The following ATP12A variants were observed in gnomAD, a reference collection of about 807,000 sequenced individuals.
ATP12A encodes the protein potassium-transporting ATPase alpha chain 2.
ATP12A carries 81 observed loss-of-function variants against 111.2 expected under a neutral mutation model. That is an observed-to-expected ratio of 0.73 (90% CI 0.61 to 0.88). The LOEUF (loss-of-function observed/expected upper bound fraction) is 0.88. ATP12A is among the 40% of genes least tolerant of loss of function. The pLI, the probability that ATP12A is intolerant of heterozygous loss-of-function variation, is 0.00. For missense variants in ATP12A, 1,196 were observed against 1,313.1 expected, an observed-to-expected ratio of 0.91 and a Z score of 1.38; for synonymous variants, 498 against 499.8, an observed-to-expected ratio of 1.00 and a Z score of 0.05.
intron 22 of ATP12A, 32 bp from the exon 23 acceptor site, chr13:24,711,462 C>T: frequency 1.2e-6 from 2 of 1,614,160 alleles, no homozygotes; most frequent in Non-Finnish European, 1.7e-6. Flanking sequence ...ACAGACTCTC[C>T]ATTTCTGATG....
intron 17 of ATP12A, among the ~76,000 whole-genome samples, chr13:24,708,629 A>G (rs1875770589): frequency 1.3e-5 from 2 of 151,968 alleles, no homozygotes; most frequent in Admixed American, 6.6e-5. Flanking sequence ...TAGCCTAGCT[A>G]CTCAGGAGGC....
At chr13:24,705,169 A>G (rs142556978) in intron 14 of ATP12A, among the ~76,000 whole-genome samples, 2 of 152,342 alleles carry the variant, frequency 1.3e-5, no homozygotes, top group African/African-American at 4.8e-5. Flanking sequence ...ACATTGTTTA[A>G]GCTGAGATTT....
intron 3 of ATP12A, among the ~76,000 whole-genome samples, chr13:24,687,946 A>C (rs1874728520): frequency 6.6e-6 from 1 of 152,168 alleles, no homozygotes; most frequent in African/African-American, 2.4e-5. Context: ...CCCAGTCACC[A>C]CGTTGAACCT....
At chr13:24,684,816 C>T (rs1348077821) in intron 2 of ATP12A, among the ~76,000 whole-genome samples, 1 of 152,198 alleles carries the variant, frequency 6.6e-6, no homozygotes, top group East Asian at 1.9e-4. Flanking sequence ...CAGTGAGCTC[C>T]CTGAGCGTCA....
chr13:24,695,054 G>A (rs1875082368), intron 11 of ATP12A, among the ~76,000 whole-genome samples: 1 of 152,180 alleles, frequency 6.6e-6, no homozygotes, highest in Non-Finnish European at 1.5e-5. Flanking sequence ...CGGCCTGTGA[G>A]GTAGGACTGA....
chr13:24,685,258 G>A lies in ATP12A; in HGVS notation c.169-56G>A. 6.4e-7 allele frequency: 1 copy of A among 1,554,750 alleles called. No individual in the cohort carries two copies. Among genetic ancestry groups the A allele is most frequent in the Non-Finnish European group, 8.9e-7 (1 of 1,126,202 alleles). ...CTTCCATGGCTGGTCAAAGCTTGGG[G>A]CTTGAGTCTTTTGGAATTATCTAAT... On this transcript the variant is annotated intron_variant, in intron 2 of 22. Transcript: ENST00000381946. This position sits in a 1 kb window ranked among gnomAD's most constrained non-coding sequence, Gnocchi z 5.5.
At position 24,690,736 on chromosome 13, in the gene ATP12A, G is replaced by A; in HGVS notation, c.799+15G>A. On this transcript the variant is annotated intron_variant, in intron 7 of 22. Transcript: ENST00000381946. ...GTGTCTGGAAGGTAAAAGGCCTCTG[G>A]CTCTCAGCCCACATGTCCACCTGTG... 1 of 1,603,442 alleles carries A rather than the reference G, an allele frequency of 6.2e-7. No individual in the cohort carries two copies. The highest frequency in any genetic ancestry group is 8.5e-7 in the Non-Finnish European group (1 of 1,172,808).
intron 17 of ATP12A, among the ~76,000 whole-genome samples, chr13:24,708,933 GA>G (rs1338722119): frequency 7.1e-6 from 1 of 141,216 alleles, no homozygotes; most frequent in Admixed American, 6.9e-5. Context: ...AAGAAAGAAA[GA>G]AAGAAAGAAA....
At chr13:24,708,301 C>T (rs933705245) in intron 17 of ATP12A, among the ~76,000 whole-genome samples, 6 of 152,188 alleles carry the variant, frequency 3.9e-5, no homozygotes, top group East Asian at 1.9e-4. Flanking sequence ...CTGTGGCTTA[C>T]GTGGGCAAGC....
intron 17 of ATP12A, among the ~76,000 whole-genome samples, chr13:24,708,026 G>A (rs184423956): frequency 3.6e-4 from 54 of 151,994 alleles, no homozygotes; most frequent in African/African-American, 1.0e-3. Context: ...TTCAGCCTAT[G>A]GGCTTCCCTT....
Position 24,703,854 on chromosome 13 carries a change from T to C in ATP12A, c.2018+1783T>C, listed in dbSNP as rs1593141789. Among the ~76,000 whole-genome samples the C allele has an allele frequency of 5.9e-5, 9 of 151,286 alleles. No individual in the cohort carries two copies. In the South Asian group the frequency reaches 1.9e-3, roughly 32 times the overall value. On this transcript the variant is annotated intron_variant, in intron 14 of 22. Transcript: ENST00000381946. ...CTTCATTTTAGCAGATTTTTTTTTT[T>C]TTGAGATGGAGTCTTTCTCTGTTGC...
chr13:24,689,246 C>T lies in ATP12A; in HGVS notation c.433-16C>T. The T allele has an allele frequency of 1.2e-6, 2 of 1,611,370 alleles. No individual in the cohort carries two copies. The highest frequency in any genetic ancestry group is 1.1e-5 in the South Asian group (1 of 91,020). The stretch of plus-strand genomic sequence containing the variant: ...CACTGCTGGTTTCTCTGACTGACGC[C>T]CTCCTTCTCACCCAGGTGTACTTGG... On this transcript the variant is annotated splice_polypyrimidine_tract_variant and intron_variant, in intron 4 of 22. Transcript: ENST00000381946.
At chr13:24,694,699 A>T in intron 11 of ATP12A, 121 bp downstream of exon 11, 1 of 1,488,660 alleles carries the variant, frequency 6.7e-7, no homozygotes, top group Non-Finnish European at 9.2e-7. Context: ...GTCGTCAGGG[A>T]TACAGCACCC....
chr13:24,707,835 C>T (rs1053236453), intron 17 of ATP12A, among the ~76,000 whole-genome samples: 2 of 152,156 alleles, frequency 1.3e-5, no homozygotes, highest in South Asian at 2.1e-4. Flanking sequence ...TGTGCCACCA[C>T]ACCTGGCTAA....
chr13:24,707,604 C>A (rs541213753), intron 17 of ATP12A, among the ~76,000 whole-genome samples, 171 bp downstream of exon 17: 1 of 152,280 alleles, frequency 6.6e-6, no homozygotes, highest in South Asian at 2.1e-4. Flanking sequence ...CCCATTCTAC[C>A]AGTCCACATG....
At chr13:24,709,589 G>A (rs2137724652) in intron 18 of ATP12A, 94 bp from the exon 19 acceptor site, 5 of 1,594,524 alleles carry the variant, frequency 3.1e-6, no homozygotes, top group Non-Finnish European at 4.3e-6. Flanking sequence ...GTGGGGCCTG[G>A]GTTGGGGAGG....
In ATP12A at chr13:24,710,604, T is replaced by C; in HGVS notation, c.2897+11T>C. The C allele has an allele frequency of 6.2e-7, 1 of 1,613,984 alleles. No individual in the cohort carries two copies. The highest frequency in any genetic ancestry group is 1.1e-5 in the South Asian group (1 of 91,066). On this transcript the variant is annotated intron_variant, in intron 20 of 22. Coordinates refer to ENST00000381946, the MANE Select transcript of ATP12A (RefSeq NM_001676.7). The stretch of plus-strand genomic sequence containing the variant: ...GCAGGGTCTCTTCAGGTACTGCCTG[T>C]GCCCGGCCTCCTGGGGCAGCCCTGG...
At chr13:24,687,717 G>C (rs948814830) in intron 3 of ATP12A, among the ~76,000 whole-genome samples, 1 of 152,166 alleles carries the variant, frequency 6.6e-6, no homozygotes, top group African/African-American at 2.4e-5. Flanking sequence ...TGTGTAGAAA[G>C]GTGGAAAAGG....
chr13:24,685,228 C>T lies in ATP12A; in HGVS notation c.169-86C>T, dbSNP rs2137689540. 3 of 1,343,034 alleles carry T rather than the reference C, an allele frequency of 2.2e-6. No homozygotes were observed. The highest frequency in any genetic ancestry group is 3.2e-6 in the Non-Finnish European group (3 of 935,030). The allele number at this position is 1,343,034 out of a possible 1,614,324, so 83.2% of individuals were successfully genotyped here. On this transcript the variant is annotated intron_variant, in intron 2 of 22. Transcript: ENST00000381946. The surrounding 1 kb of genome is among the most constrained non-coding windows in gnomAD (Gnocchi z 5.5). ...CCCTCCCATCCTCAGGGCTGCTACT[C>T]CCAGCTTCCATGGCTGGTCAAAGCT... is the stretch of plus-strand genomic sequence containing the variant.
Sources: allele counts gnomAD v4.1 joint callset (sites outside exome capture counted in the v4.1 genomes callset), GRCh38; gene constraint gnomAD v4.1.1; non-coding constraint Gnocchi (gnomAD v3.1); transcripts MANE v1.5; gene names NCBI Gene and HGNC (gene_info 2026-07-23, HGNC 2026-07-21).